Variants in TMSB15B observed in about 807,000 individuals in gnomAD.
TMSB15B encodes the protein thymosin beta 15B, also known as thymosin beta-15B.
intron 1 of TMSB15B, among the ~76,000 whole-genome samples, chrX:103,920,084 C>CT (rs781942770): frequency 2.7e-5 from 3 of 111,451 alleles, no homozygotes; most frequent in South Asian, 3.8e-4. Flanking sequence ...TTTAAAAATA[C>CT]TTTTTTTTAT....
chrX:103,919,931 C>G (rs1269954048), intron 1 of TMSB15B, among the ~76,000 whole-genome samples: 2 of 111,387 alleles, frequency 1.8e-5, no homozygotes, highest in African/African-American at 3.3e-5. Flanking sequence ...ACCATCTCAA[C>G]AGCAGTCTCA....
rs141336408 is a variant in TMSB15B at position 103,955,662 on chromosome X, C to T, written c.-720-6359C>T. On this transcript the variant is annotated intron_variant, in intron 1 of 3. Transcript: ENST00000419165. ...GGATTATGTAAAGAGACTGAATCTA[C>T]GACTGCTTGGTGTACCTGAAAGAGA... 7.7e-4 allele frequency among the ~76,000 whole-genome samples: 86 copies of T among 111,097 alleles called. 2 individuals are homozygous for T. The East Asian group carries it at 0.016, about 21-fold the overall frequency.
At chrX:103,926,198 G>T (rs187447284) in intron 1 of TMSB15B, among the ~76,000 whole-genome samples, 1 of 110,216 alleles carries the variant, frequency 9.1e-6, no homozygotes, top group Non-Finnish European at 1.9e-5. Context: ...ATGCGGAGGA[G>T]GGGGAGGTGG....
At chrX:103,938,480 C>A (rs1411006041) in intron 1 of TMSB15B, among the ~76,000 whole-genome samples, 2 of 111,711 alleles carry the variant, frequency 1.8e-5, no homozygotes, top group Non-Finnish European at 3.8e-5. Context: ...AGGATTGCAA[C>A]CCCTGCTTAT....
At chrX:103,926,284 T>G (rs1602434195) in intron 1 of TMSB15B, among the ~76,000 whole-genome samples, 2 of 100,175 alleles carry the variant, frequency 2.0e-5, no homozygotes, top group African/African-American at 3.8e-5. Context: ...GGGAGGGGAG[T>G]GGTGGTACAG....
At chrX:103,949,534 A>G (rs1288214757) in intron 1 of TMSB15B, among the ~76,000 whole-genome samples, 1 of 111,940 alleles carries the variant, frequency 8.9e-6, no homozygotes, top group African/African-American at 3.2e-5. Flanking sequence ...GAGAGAAAGA[A>G]AGAAATTGAA....
chrX:103,920,397 A>G (rs1429554701), intron 1 of TMSB15B, among the ~76,000 whole-genome samples: 3 of 112,007 alleles, frequency 2.7e-5, no homozygotes, highest in Admixed American at 9.5e-5. Flanking sequence ...AAACAGCCCC[A>G]TAGTTGATTC....
chrX:103,929,258 A>C (rs1228582877), intron 1 of TMSB15B, among the ~76,000 whole-genome samples: 3 of 112,025 alleles, frequency 2.7e-5, no homozygotes, highest in Non-Finnish European at 3.8e-5. Flanking sequence ...CCTCAGAGCC[A>C]GGAGGCCTTT....
At chrX:103,936,193 C>T (rs2074997384) in intron 1 of TMSB15B, among the ~76,000 whole-genome samples, 3 of 111,499 alleles carry the variant, frequency 2.7e-5, no homozygotes, top group African/African-American at 6.5e-5. Context: ...TGAAGAAAGT[C>T]AATGGTAGCT....
chrX:103,940,973 C>T (rs2075011183), intron 1 of TMSB15B, among the ~76,000 whole-genome samples: 1 of 111,218 alleles, frequency 9.0e-6, no homozygotes, highest in Non-Finnish European at 1.9e-5. Flanking sequence ...GGTAGTTCCC[C>T]CACCCCTTGA....
intron 1 of TMSB15B, chrX:103,928,526 A>G (rs1182595349): frequency 8.4e-7 from 1 of 1,194,691 alleles, no homozygotes; most frequent in Non-Finnish European, 1.1e-6. Flanking sequence ...GTGCTCCAGG[A>G]TGGTTGCAAG....
chrX:103,927,761 G>T (rs2074972842), intron 1 of TMSB15B, among the ~76,000 whole-genome samples: 1 of 105,792 alleles, frequency 9.5e-6, no homozygotes, highest in Non-Finnish European at 1.9e-5. Flanking sequence ...ATTAAGTTTT[G>T]GAGTCTTCCC....
intron 1 of TMSB15B, among the ~76,000 whole-genome samples, chrX:103,949,719 G>A (rs1201578307): frequency 2.7e-5 from 3 of 112,095 alleles, no homozygotes; most frequent in Non-Finnish European, 5.6e-5. Context: ...GTAGGCAGTT[G>A]TATATATCAG....
intron 1 of TMSB15B, chrX:103,928,958 C>T (rs782137540): frequency 4.8e-5 from 57 of 1,196,316 alleles, no homozygotes; most frequent in South Asian, 4.6e-4. Context: ...GGCCTCACTA[C>T]GGCAATCCAT....
rs1474903824 is a variant in TMSB15B at position 103,939,251 on chromosome X, T to C, written c.-721+19959T>C. ...CTGGATATTATCGTGAAGTGTGTTT[T>C]CCAACTTGGTTCCACTCTCCCCATC... On this transcript the variant is annotated intron_variant, in intron 1 of 3. Transcript: ENST00000419165. Among the ~76,000 whole-genome samples the C allele has an allele frequency of 2.7e-5, 3 of 111,503 alleles. No homozygotes were observed. In the East Asian group the frequency reaches 8.5e-4, roughly 32 times the overall value.
At chrX:103,936,274 T>C (rs1244740615) in intron 1 of TMSB15B, among the ~76,000 whole-genome samples, 2 of 112,318 alleles carry the variant, frequency 1.8e-5, no homozygotes, top group African/African-American at 6.5e-5. Flanking sequence ...TGACTCTTCC[T>C]ATCCATGAGC....
At chrX:103,952,878 T>C (rs781936241) in intron 1 of TMSB15B, among the ~76,000 whole-genome samples, 1 of 111,619 alleles carries the variant, frequency 9.0e-6, no homozygotes, top group East Asian at 2.8e-4. Context: ...GCTCCTTCGC[T>C]GTGCTCAGAA....
intron 1 of TMSB15B, among the ~76,000 whole-genome samples, chrX:103,936,655 T>G (rs1223541852): frequency 8.9e-6 from 1 of 112,126 alleles, no homozygotes; most frequent in Middle Eastern, 4.2e-3. Context: ...TCTTGCCTGA[T>G]TGTCCTGGCC....
At chrX:103,938,275 C>A (rs2075003807) in intron 1 of TMSB15B, among the ~76,000 whole-genome samples, 1 of 111,325 alleles carries the variant, frequency 9.0e-6, no homozygotes, top group African/African-American at 3.3e-5. Context: ...TTAAAGTCTC[C>A]CACTATTATT....
Sources: allele counts gnomAD v4.1 joint callset (sites outside exome capture counted in the v4.1 genomes callset), GRCh38; gene constraint gnomAD v4.1.1; transcripts MANE v1.5; gene names NCBI Gene and HGNC (gene_info 2026-07-23, HGNC 2026-07-21).